RREB1: variants seen among roughly 807,000 people sequenced by gnomAD.
RREB1 encodes ras responsive element binding protein 1, also known as ras-responsive element-binding protein 1.
Under a neutral mutation model 117.8 loss-of-function variants are expected in RREB1, and 27 were observed. The observed-to-expected ratio is 0.23, with a 90% CI of 0.17 to 0.32. The LOEUF (loss-of-function observed/expected upper bound fraction) is 0.32, where lower values mean the gene tolerates loss of function less well. Among genes scored for constraint, RREB1 ranks in the 10% least tolerant of loss-of-function variants. RREB1 has a pLI of 1.00. For synonymous variants in RREB1, 1,298 were observed against 1,026.7 expected, an observed-to-expected ratio of 1.26 and a Z score of -5.05; for missense variants, 2,577 against 2,378.2, an observed-to-expected ratio of 1.08 and a Z score of -1.74.
chr6:7,142,314 C>A lies in RREB1; in HGVS notation c.-285+34254C>A, dbSNP rs563149928. ...TGGCTTCCGCTTTTACACCCTCCTC[C>A]GAGAGCCGGCTCCCATGCCCTTCCC... On this transcript the variant is annotated intron_variant, in intron 1 of 12. Transcript: ENST00000379938. Among the ~76,000 whole-genome samples, 3 of 152,340 alleles carry A rather than the reference C, an allele frequency of 2.0e-5. No individual in the cohort carries two copies. In the East Asian group the frequency reaches 5.8e-4, roughly 29 times the overall value.
intron 1 of RREB1, among the ~76,000 whole-genome samples, chr6:7,109,951 C>CT (rs1476469803): frequency 6.6e-6 from 1 of 152,126 alleles, no homozygotes; most frequent in African/African-American, 2.4e-5. Context: ...ATTGAACCCT[C>CT]TTAGAGTTTA....
At chr6:7,161,592 C>CT (rs1763665661) in intron 1 of RREB1, among the ~76,000 whole-genome samples, 1 of 152,132 alleles carries the variant, frequency 6.6e-6, no homozygotes, top group South Asian at 2.1e-4. Flanking sequence ...CCCTCCTTTC[C>CT]TATCTTTCTC....
At chr6:7,192,676 T>A (rs1170479146) in intron 6 of RREB1, among the ~76,000 whole-genome samples, 4 of 152,224 alleles carry the variant, frequency 2.6e-5, no homozygotes, top group Non-Finnish European at 5.9e-5. Flanking sequence ...AATTTGAATC[T>A]TCTTTTCTTC....
Position 7,249,137 on chromosome 6 carries a change from T to G in RREB1, c.*169T>G. ...GAGCGTGGCTGCTCGCTCAGTGCCA[T>G]AGCCTTACCGCAGCCTGCGCGGGAG... On this transcript the variant is annotated 3_prime_UTR_variant, in exon 13 of 13. Transcript: ENST00000379938. The G allele has an allele frequency of 6.5e-6, 4 of 611,388 alleles. No homozygotes were observed. Among genetic ancestry groups the G allele is most frequent in the Non-Finnish European group, 1.1e-5 (4 of 365,488 alleles). The allele number at this position is 611,388 out of a possible 1,614,324, so 37.9% of individuals were successfully genotyped here.
intron 12 of RREB1, among the ~76,000 whole-genome samples, chr6:7,247,865 C>G (rs1200979710): frequency 6.6e-6 from 1 of 152,208 alleles, no homozygotes; most frequent in East Asian, 1.9e-4. Context: ...CTTCTTCTTT[C>G]CAAAATAACC....
At chr6:7,162,882 T>C (rs1763738613) in intron 1 of RREB1, among the ~76,000 whole-genome samples, 1 of 152,062 alleles carries the variant, frequency 6.6e-6, no homozygotes, top group African/African-American at 2.4e-5. Flanking sequence ...AGGGTCTCAC[T>C]CTGTTGCCTA....
rs924111263 is a variant in RREB1, at chr6:7,244,295, A to T, written c.3974-2129A>T. 1.1e-4 allele frequency among the ~76,000 whole-genome samples: 16 copies of T among 151,720 alleles called. 1 individual carries two copies. Among genetic ancestry groups the T allele is most frequent in the Admixed American group, 9.8e-4 (15 of 15,242 alleles). On this transcript the variant is annotated intron_variant, in intron 11 of 12. Transcript: ENST00000379938. The stretch of plus-strand genomic sequence containing the variant: ...AAAAAAAAAATTACTTACAAAGGCC[A>T]GCCACAGTTGCTTATGCCTATAACC...
Position 7,156,877 on chromosome 6 carries a change from G to C in RREB1, c.-284-19778G>C, listed in dbSNP as rs1425651779. Among the ~76,000 whole-genome samples the C allele has an allele frequency of 3.3e-5, 5 of 152,298 alleles. No homozygotes were observed. The East Asian group carries it at 7.7e-4, about 24-fold the overall frequency. Reference sequence around the variant, plus strand: ...GAGGGTTCCAGAGTGCCACTTGGCTGCTCCTGTGTACCCATTCTTGTTCAA... The same window carrying C: ...GAGGGTTCCAGAGTGCCACTTGGCTCCTCCTGTGTACCCATTCTTGTTCAA... On this transcript the variant is annotated intron_variant, in intron 1 of 12. Transcript: ENST00000379938.
intron 11 of RREB1, 79 bp from the exon 12 acceptor site, chr6:7,246,345 C>T (rs953883702): frequency 5.3e-6 from 7 of 1,321,064 alleles, no homozygotes; most frequent in Non-Finnish European, 5.0e-6. Flanking sequence ...GTGGGTCTAG[C>T]CCATTCCCGG....
At position 7,211,578 on chromosome 6, in the gene RREB1, A is replaced by G. The variant is rs1452977181; in HGVS notation, c.576A>G (p.Val192=). The change falls in exon 8 of 13, where the codon GTA becomes GTG. Residue 192 remains valine (V), a synonymous_variant. Transcript: ENST00000379938. ...REDPAPAKKM[V]EDGQSGDLEK... ...CTTTTTTCCTTTTCCCTCAGATGGT[A>G]GAAGACGGGCAGTCAGGTGACTTGG... 1 of 1,613,988 alleles carries G rather than the reference A, an allele frequency of 6.2e-7. No individual in the cohort carries two copies. Among genetic ancestry groups the G allele is most frequent in the Non-Finnish European group, 8.5e-7 (1 of 1,179,956 alleles).
chr6:7,200,875 G>C (rs1304301227), intron 6 of RREB1, among the ~76,000 whole-genome samples: 2 of 152,318 alleles, frequency 1.3e-5, no homozygotes, highest in South Asian at 2.1e-4. Context: ...CAGAGTTGTT[G>C]TCAGTTTGTG....
intron 1 of RREB1, among the ~76,000 whole-genome samples, chr6:7,122,962 T>C (rs1761740888): frequency 1.3e-5 from 2 of 152,228 alleles, no homozygotes; most frequent in South Asian, 4.1e-4. Flanking sequence ...GAGTGCTGGA[T>C]AGTGGTGACC....
chr6:7,238,517 G>A (rs529906875), intron 10 of RREB1, among the ~76,000 whole-genome samples: 3 of 152,320 alleles, frequency 2.0e-5, no homozygotes, highest in African/African-American at 4.8e-5. Context: ...GATTACAGGC[G>A]TGAGCCACCG....
chr6:7,118,001 AGTGC>A lies in RREB1; in HGVS notation c.-285+9942_-285+9945del, dbSNP rs527388223. On this transcript the variant is annotated intron_variant, in intron 1 of 12. Coordinates refer to ENST00000379938, the MANE Select transcript of RREB1 (RefSeq NM_001003699.4). ...ATATTACTATAAATATTTTTTAACA[AGTGC>A]TTATCTGCTAACTAGAGTTTAGGCT... is the stretch of plus-strand genomic sequence containing the variant. Among the ~76,000 whole-genome samples, 126 of 152,388 alleles carry A rather than the reference AGTGC, an allele frequency of 8.3e-4. 1 individual carries two copies. Among genetic ancestry groups the A allele is most frequent in the Non-Finnish European group, 1.2e-3 (84 of 68,040 alleles).
chr6:7,210,656 A>G, intron 6 of RREB1, 148 bp from the exon 7 acceptor site: 4 of 618,100 alleles, frequency 6.5e-6, no homozygotes, highest in Non-Finnish European at 1.1e-5. Context: ...ATAGAGTTTT[A>G]AAAAGATAGA....
chr6:7,240,611 G>A lies in RREB1; in HGVS notation c.3973+9G>A, dbSNP rs369636400. The A allele has an allele frequency of 1.1e-5, 17 of 1,603,716 alleles. No individual in the cohort carries two copies. Among genetic ancestry groups the A allele is most frequent in the African/African-American group, 2.7e-5 (2 of 74,554 alleles). ...ATCCCATGATAGCACAGGTAGTGCC[G>A]CCAGGTGAACAAGAACCCAGGAAGA... On this transcript the variant is annotated intron_variant, in intron 11 of 12. Transcript: ENST00000379938.
intron 1 of RREB1, among the ~76,000 whole-genome samples, chr6:7,121,813 C>T (rs1327407342): frequency 4.6e-5 from 7 of 151,942 alleles, no homozygotes; most frequent in Non-Finnish European, 5.9e-5. Context: ...CCGACAGTGA[C>T]GTGTTTTCCA....
chr6:7,247,473 C>T (rs1224483951), intron 12 of RREB1, among the ~76,000 whole-genome samples: 1 of 152,152 alleles, frequency 6.6e-6, no homozygotes, highest in East Asian at 1.9e-4. Context: ...TGTGATCCGC[C>T]TTTAGCTCTG....
chr6:7,224,422 T>C (rs567875956), intron 8 of RREB1, among the ~76,000 whole-genome samples: 11 of 152,192 alleles, frequency 7.2e-5, no homozygotes, highest in African/African-American at 2.2e-4. Context: ...ATATCTCTTA[T>C]CCTTTCAGTC....
Sources: allele counts gnomAD v4.1 joint callset (sites outside exome capture counted in the v4.1 genomes callset), GRCh38; gene constraint gnomAD v4.1.1; transcripts MANE v1.5; gene names NCBI Gene and HGNC (gene_info 2026-07-23, HGNC 2026-07-21).